Variants in SGCZ observed in about 807,000 individuals in gnomAD.
The protein encoded by SGCZ is sarcoglycan zeta, also known as zeta-sarcoglycan.
A neutral mutation model predicts 41.3 loss-of-function variants in SGCZ; 40 were observed. The ratio of observed to expected loss-of-function variants is 0.97; its 90% confidence interval spans 0.75 to 1.26. The LOEUF (loss-of-function observed/expected upper bound fraction) is 1.26, where lower values mean the gene tolerates loss of function less well. Ranked by LOEUF, SGCZ falls within the 50% of genes most tolerant of loss-of-function variation. The probability of loss-of-function intolerance (pLI) is 0.00; values close to 1 mark genes in which losing one functional copy is unlikely to be tolerated. For synonymous variants in SGCZ, 206 were observed against 137.5 expected (o/e 1.50, Z -3.49); for missense variants, 552 against 369.8 (o/e 1.49, Z -4.04).
At chr8:14,982,689 T>G (rs968338711) in intron 1 of SGCZ, among the ~76,000 whole-genome samples, 1 of 152,350 alleles carries the variant, frequency 6.6e-6, no homozygotes, top group Non-Finnish European at 1.5e-5. Flanking sequence ...ACATTGTAAG[T>G]GGTCAAATAT....
intron 2 of SGCZ, among the ~76,000 whole-genome samples, chr8:14,386,747 C>T (rs933559975): frequency 3.9e-5 from 6 of 152,042 alleles, no homozygotes; most frequent in African/African-American, 1.4e-4. Flanking sequence ...ATCTTAAAAA[C>T]CAAGCTTAGA....
At chr8:15,138,247 A>G (rs2116989831) in intron 1 of SGCZ, among the ~76,000 whole-genome samples, 1 of 152,326 alleles carries the variant, frequency 6.6e-6, no homozygotes, top group East Asian at 1.9e-4. Flanking sequence ...CATTGTATCT[A>G]AGAAGTAACT....
chr8:14,429,094 T>A (rs1479808339), intron 2 of SGCZ, among the ~76,000 whole-genome samples: 1 of 152,226 alleles, frequency 6.6e-6, no homozygotes, highest in Non-Finnish European at 1.5e-5. Context: ...TGTCTTAGAA[T>A]AGATCACAGA....
chr8:14,761,386 AT>A (rs1444724739), intron 1 of SGCZ, among the ~76,000 whole-genome samples: 1 of 151,896 alleles, frequency 6.6e-6, no homozygotes, highest in Non-Finnish European at 1.5e-5. Flanking sequence ...AACAAACTTT[AT>A]TTTCTTGGAA....
intron 1 of SGCZ, among the ~76,000 whole-genome samples, chr8:15,029,566 A>C (rs2130956106): frequency 6.6e-6 from 1 of 152,202 alleles, no homozygotes; most frequent in South Asian, 2.1e-4. Flanking sequence ...ATTTTGAAAC[A>C]ATTTGTCAGT....
At chr8:14,536,277 C>G (rs1455714997) in intron 2 of SGCZ, among the ~76,000 whole-genome samples, 1 of 151,758 alleles carries the variant, frequency 6.6e-6, no homozygotes, top group Non-Finnish European at 1.5e-5. Context: ...TAAGAAAATA[C>G]ATCTTGTAAA....
intron 1 of SGCZ, among the ~76,000 whole-genome samples, chr8:14,960,715 G>C (rs1042698622): frequency 6.6e-6 from 1 of 151,968 alleles, no homozygotes; most frequent in African/African-American, 2.4e-5. Context: ...TACCACTTCT[G>C]AGCTGTGAAG....
chr8:15,085,188 T>C (rs1805903751), intron 1 of SGCZ, among the ~76,000 whole-genome samples: 1 of 152,168 alleles, frequency 6.6e-6, no homozygotes, highest in Non-Finnish European at 1.5e-5. Flanking sequence ...GACCCAGGTT[T>C]ATTTAACAAC....
intron 2 of SGCZ, among the ~76,000 whole-genome samples, chr8:14,522,512 G>C (rs1802820376): frequency 6.6e-6 from 1 of 151,888 alleles, no homozygotes; most frequent in African/African-American, 2.4e-5. Flanking sequence ...TGTGTGGAAA[G>C]TTGCTTCTAT....
intron 1 of SGCZ, among the ~76,000 whole-genome samples, chr8:14,975,780 T>C (rs1025078381): frequency 4.3e-5 from 5 of 115,064 alleles, no homozygotes; most frequent in Admixed American, 3.1e-4. Flanking sequence ...ACTCCACTTT[T>C]TTCCACTTTT....
At chr8:14,416,430 A>C (rs1215532547) in intron 2 of SGCZ, among the ~76,000 whole-genome samples, 1 of 152,052 alleles carries the variant, frequency 6.6e-6, no homozygotes, top group Admixed American at 6.6e-5. Context: ...TAAAGAACGA[A>C]AGAGTATTCA....
At chr8:14,553,978 G>C (rs1445068540) in intron 2 of SGCZ, among the ~76,000 whole-genome samples, 1 of 152,002 alleles carries the variant, frequency 6.6e-6, no homozygotes, top group Non-Finnish European at 1.5e-5. Context: ...AGAAACTGAA[G>C]GCATCAGCCA....
At chr8:14,296,873 A>C (rs1334409052) in intron 3 of SGCZ, among the ~76,000 whole-genome samples, 1 of 152,208 alleles carries the variant, frequency 6.6e-6, no homozygotes, top group East Asian at 1.9e-4. Flanking sequence ...TTATTTGTAA[A>C]CAGATACAAA....
chr8:15,039,458 A>C (rs187936558), intron 1 of SGCZ, among the ~76,000 whole-genome samples: 46 of 152,272 alleles, frequency 3.0e-4, no homozygotes, highest in Admixed American at 1.7e-3. Context: ...GGGGTTACCA[A>C]AGTTTGGAGG....
intron 1 of SGCZ, among the ~76,000 whole-genome samples, chr8:14,737,353 A>G (rs1000742081): frequency 6.6e-6 from 1 of 152,032 alleles, no homozygotes; most frequent in Non-Finnish European, 1.5e-5. Context: ...CAGACGGTCA[A>G]TTGGAAGCAA....
intron 1 of SGCZ, among the ~76,000 whole-genome samples, chr8:14,714,786 G>C (rs1809634181): frequency 6.6e-6 from 1 of 152,008 alleles, no homozygotes; most frequent in Non-Finnish European, 1.5e-5. Flanking sequence ...AAGAACAATG[G>C]AATTTTTGTG....
chr8:14,191,912 TA>T (rs57958233), intron 4 of SGCZ, among the ~76,000 whole-genome samples: 4 of 150,720 alleles, frequency 2.7e-5, no homozygotes, highest in South Asian at 2.1e-4. Flanking sequence ...AAATTTTATC[TA>T]AAAAAAAAGT....
chr8:14,229,771 C>T (rs541641809), intron 4 of SGCZ, among the ~76,000 whole-genome samples: 2 of 152,110 alleles, frequency 1.3e-5, no homozygotes, highest in Admixed American at 1.3e-4. Flanking sequence ...CCCAGGTGTT[C>T]ACTGTAATTG....
chr8:14,782,954 G>T (rs758728095), intron 1 of SGCZ, among the ~76,000 whole-genome samples: 33 of 152,082 alleles, frequency 2.2e-4, no homozygotes, highest in Non-Finnish European at 3.4e-4. Context: ...TACATATAAT[G>T]CAGGCAATAG....
Sources: gnomAD v4.1 joint callset for allele counts (sites outside exome capture counted in the v4.1 genomes callset) on GRCh38, gnomAD v4.1.1 for gene constraint, MANE v1.5 for transcripts, NCBI Gene and HGNC (gene_info 2026-07-23, HGNC 2026-07-21) for gene names.